Variants in CORIN observed in about 807,000 individuals in gnomAD.
CORIN encodes atrial natriuretic peptide-converting enzyme.
CORIN carries 117 observed loss-of-function variants against 125.3 expected under a neutral mutation model. That is an observed-to-expected ratio of 0.93 (90% CI 0.80 to 1.09). The LOEUF is 1.09. Ranked by LOEUF, CORIN falls within the 50% of genes least tolerant of loss-of-function variation. The probability of loss-of-function intolerance (pLI) is 0.00; values close to 1 mark genes in which losing one functional copy is unlikely to be tolerated. For synonymous variants in CORIN, 450 were observed against 466.4 expected (o/e 0.96, Z 0.45); for missense variants, 1,253 against 1,306.7 (o/e 0.96, Z 0.63).
At chr4:47,628,355 T>C (rs776874732) in intron 16 of CORIN, among the ~76,000 whole-genome samples, 4 of 152,202 alleles carry the variant, frequency 2.6e-5, no homozygotes, top group Non-Finnish European at 5.9e-5. Flanking sequence ...TTAAGGGGTG[T>C]AATGTAATGT....
At chr4:47,645,794 G>A (rs1473860359) in intron 13 of CORIN, among the ~76,000 whole-genome samples, 1 of 152,106 alleles carries the variant, frequency 6.6e-6, no homozygotes, top group Admixed American at 6.6e-5. Context: ...GCTAAGGCAG[G>A]AGAATCATTT....
chr4:47,738,902 G>A (rs1336241129), intron 5 of CORIN, among the ~76,000 whole-genome samples: 3 of 151,584 alleles, frequency 2.0e-5, no homozygotes, highest in Admixed American at 1.3e-4. Flanking sequence ...AAATTATGCA[G>A]TAAAATATAT....
chr4:47,769,727 T>C (rs976491196), intron 3 of CORIN, among the ~76,000 whole-genome samples: 1 of 152,070 alleles, frequency 6.6e-6, no homozygotes, highest in African/African-American at 2.4e-5. Flanking sequence ...TGATGACCAA[T>C]TGATTTTCAA....
At chr4:47,666,275 A>G (rs557763229) in intron 10 of CORIN, among the ~76,000 whole-genome samples, 1 of 152,262 alleles carries the variant, frequency 6.6e-6, no homozygotes, top group African/African-American at 2.4e-5. Flanking sequence ...TTATTTACTT[A>G]CTTGCCTCCC....
intron 5 of CORIN, among the ~76,000 whole-genome samples, chr4:47,698,085 T>C (rs1430499356): frequency 2.6e-5 from 4 of 151,800 alleles, no homozygotes; most frequent in African/African-American, 7.3e-5. Context: ...TTCTGTATTA[T>C]GTATTTTTGA....
At chr4:47,789,946 C>T (rs1040038334) in intron 2 of CORIN, among the ~76,000 whole-genome samples, 12 of 152,070 alleles carry the variant, frequency 7.9e-5, no homozygotes, top group Non-Finnish European at 1.5e-4. Context: ...GGCATGAACC[C>T]GGGAGGTGGA....
intron 1 of CORIN, among the ~76,000 whole-genome samples, chr4:47,818,878 G>GAAAAA (rs79110235): frequency 3.8e-5 from 2 of 52,630 alleles, no homozygotes. Context: ...GTCAAAAACA[G>GAAAAA]AAAAAAAAAA....
chr4:47,760,712 C>G (rs1729408171), intron 4 of CORIN, among the ~76,000 whole-genome samples: 1 of 152,214 alleles, frequency 6.6e-6, no homozygotes, highest in Non-Finnish European at 1.5e-5. Context: ...CAGGCACTGA[C>G]TTCTCTTCTC....
intron 1 of CORIN, among the ~76,000 whole-genome samples, chr4:47,832,379 A>G (rs1733069072): frequency 6.6e-6 from 1 of 152,096 alleles, no homozygotes; most frequent in South Asian, 2.1e-4. Flanking sequence ...AAAGAAAAAG[A>G]AGCAAATAGA....
intron 5 of CORIN, among the ~76,000 whole-genome samples, chr4:47,735,249 T>C (rs1048012665): frequency 1.3e-5 from 2 of 152,214 alleles, no homozygotes; most frequent in Non-Finnish European, 2.9e-5. Context: ...ACTTTCTCTA[T>C]AGCACACAAA....
At position 47,680,134 on chromosome 4, in the gene CORIN, C is replaced by T. The variant is rs751695384; in HGVS notation, c.1132+7G>A. ...ATAAGCAAAACAAACGTCCTCAGAGCACTCACAGCAGTTGACCTCGTCAGA... is the reference window on the plus strand; with the variant it reads ...ATAAGCAAAACAAACGTCCTCAGAGTACTCACAGCAGTTGACCTCGTCAGA... On this transcript the variant is annotated splice_region_variant and intron_variant, in intron 8 of 21. Transcript: ENST00000273857. 2.5e-6 allele frequency: 4 copies of T among 1,580,324 alleles called. No homozygotes were observed. The highest frequency in any genetic ancestry group is 2.7e-5 in the African/African-American group (2 of 74,424).
intron 4 of CORIN, among the ~76,000 whole-genome samples, chr4:47,752,848 G>T (rs1169206594): frequency 6.6e-6 from 1 of 152,200 alleles, no homozygotes; most frequent in African/African-American, 2.4e-5. Context: ...CCCAGGGGAT[G>T]AGAGATTAAC....
At chr4:47,647,292 T>A (rs565337071) in intron 13 of CORIN, among the ~76,000 whole-genome samples, 3 of 152,318 alleles carry the variant, frequency 2.0e-5, no homozygotes, top group African/African-American at 7.2e-5. Context: ...CAACACTCCA[T>A]GCATGGTGCT....
intron 5 of CORIN, among the ~76,000 whole-genome samples, chr4:47,700,151 T>G (rs1257959007): frequency 1.3e-5 from 2 of 152,232 alleles, no homozygotes; most frequent in Non-Finnish European, 2.9e-5. Context: ...CCCTTAAGAT[T>G]TTCTGTTCAG....
chr4:47,785,977 T>C (rs1042668759), intron 3 of CORIN, among the ~76,000 whole-genome samples: 2 of 151,488 alleles, frequency 1.3e-5, no homozygotes, highest in African/African-American at 4.9e-5. Context: ...CATCCTGTTA[T>C]TGAATTGGTC....
intron 4 of CORIN, among the ~76,000 whole-genome samples, chr4:47,749,132 C>T (rs1486416057): frequency 6.6e-6 from 1 of 151,162 alleles, no homozygotes; most frequent in Non-Finnish European, 1.5e-5. Context: ...AAAAAAAAAA[C>T]AGAATCTTTG....
chr4:47,683,439 C>G (rs1342471778), intron 7 of CORIN: 3 of 245,216 alleles, frequency 1.2e-5, no homozygotes, highest in Middle Eastern at 1.5e-3. Context: ...AGAGGAGAAA[C>G]AGAACACATT....
At chr4:47,696,705 G>A (rs117761035) in intron 5 of CORIN, among the ~76,000 whole-genome samples, 1 of 152,304 alleles carries the variant, frequency 6.6e-6, no homozygotes, top group East Asian at 1.9e-4. Flanking sequence ...ATCTTGAAGA[G>A]TACATACCCA....
intron 2 of CORIN, among the ~76,000 whole-genome samples, chr4:47,793,415 T>A (rs953135895): frequency 2.6e-5 from 4 of 152,140 alleles, no homozygotes; most frequent in Non-Finnish European, 5.9e-5. Flanking sequence ...TTAATGCCAT[T>A]TAATGGACAG....
Sources: allele counts gnomAD v4.1 joint callset (sites outside exome capture counted in the v4.1 genomes callset), GRCh38; gene constraint gnomAD v4.1.1; transcripts MANE v1.5; gene names NCBI Gene and HGNC (gene_info 2026-07-23, HGNC 2026-07-21).